RNF207: variants seen among roughly 807,000 people sequenced by gnomAD.
RNF207 encodes OTTHUMG00000001089.
In RNF207, 72 loss-of-function variants were observed where a neutral mutation model predicts 79.0. That is an observed-to-expected ratio of 0.91 (90% confidence interval 0.75 to 1.11). The LOEUF (loss-of-function observed/expected upper bound fraction) is 1.11, where lower values mean the gene tolerates loss of function less well. RNF207 is among the 50% of genes least tolerant of loss of function. The pLI, the probability that RNF207 is intolerant of heterozygous loss-of-function variation, is 0.00. For synonymous variants in RNF207, 348 were observed against 366.2 expected (o/e 0.95, Z 0.57); for missense variants, 936 against 855.8 (o/e 1.09, Z -1.17).
chr1:6,210,356 A>G lies in RNF207; in HGVS notation c.874-14A>G. The G allele has an allele frequency of 6.2e-7, 1 of 1,613,306 alleles. No homozygotes were observed. Among genetic ancestry groups the G allele is most frequent in the Non-Finnish European group, 8.5e-7 (1 of 1,179,648 alleles). On this transcript the variant is annotated splice_polypyrimidine_tract_variant and intron_variant, in intron 9 of 17. Transcript: ENST00000377939. ...CCTCCCCGGCCAGGCACTGAGCAGCATCCCCTCCCCCAGGTCCACCTGGTC... is the reference window on the plus strand; with the variant it reads ...CCTCCCCGGCCAGGCACTGAGCAGCGTCCCCTCCCCCAGGTCCACCTGGTC...
intron 6 of RNF207, 31 bp downstream of exon 6, chr1:6,209,374 C>A: frequency 6.5e-7 from 1 of 1,526,774 alleles, no homozygotes; most frequent in South Asian, 1.2e-5. Flanking sequence ...CGCGGGGCCG[C>A]GCGGCGGCGA....
chr1:6,208,386 T>C (rs1190253249), intron 3 of RNF207: 1 of 155,430 alleles, frequency 6.4e-6, no homozygotes, highest in Non-Finnish European at 1.4e-5. Context: ...TGGCGCCAAC[T>C]TGACTCACAG....
intron 13 of RNF207, 41 bp downstream of exon 13, chr1:6,212,094 AC>A: frequency 1.3e-6 from 2 of 1,561,860 alleles, no homozygotes; most frequent in Non-Finnish European, 1.7e-6. Flanking sequence ...AGATGTCCTA[AC>A]CCACTCCTCA....
intron 16 of RNF207, among the ~76,000 whole-genome samples, chr1:6,216,266 C>T (rs1320357240): frequency 6.6e-6 from 1 of 151,826 alleles, no homozygotes; most frequent in Admixed American, 6.5e-5. Context: ...GGGTGCTACC[C>T]ACACAGACTT....
chr1:6,212,380 C>A lies in RNF207; in HGVS notation c.1446C>A (p.His482Gln). ...LQLDVQIASE[H>Q]ASLEGMRVVF... ...TGGACGTGCAGATCGCCTCGGAGCACGCCTCCTTAGAGGGCATGAGGGTCG... is the reference window on the plus strand; with the variant it reads ...TGGACGTGCAGATCGCCTCGGAGCAAGCCTCCTTAGAGGGCATGAGGGTCG... The change falls in exon 14 of 18, where the codon CAC becomes CAA. Residue 482 changes from histidine to glutamine, a missense_variant. Coordinates refer to ENST00000377939, the MANE Select transcript of RNF207 (RefSeq NM_207396.3). 1 of 1,613,254 alleles carries A rather than the reference C, an allele frequency of 6.2e-7. No homozygotes were observed.
In RNF207 at chr1:6,211,041, T is replaced by C; in HGVS notation, c.1032T>C (p.Ala344=). The C allele has an allele frequency of 6.2e-7, 1 of 1,609,352 alleles. No homozygotes were observed. The highest frequency in any genetic ancestry group is 1.1e-5 in the South Asian group (1 of 90,550). ...QSSKIASDHR[A]EFARCLEPLL... The stretch of plus-strand genomic sequence containing the variant: ...CCCAGATTGCCAGTGACCACCGAGC[T>C]GAATTCGCGCGCTGTCTGGAGCCAC... The change falls in exon 12 of 18, where the codon GCT becomes GCC. Residue 344 remains alanine, a synonymous_variant. Coordinates refer to ENST00000377939, the MANE Select transcript of RNF207 (RefSeq NM_207396.3). The surrounding 1 kb of genome is among the most constrained non-coding windows in gnomAD (Gnocchi z 4.2).
rs747158576 is a variant in RNF207, at chr1:6,210,939, G to A, written c.1011+1G>A. On this transcript the variant is annotated splice_donor_variant, in intron 11 of 17. Coordinates refer to ENST00000377939, the MANE Select transcript of RNF207 (RefSeq NM_207396.3). LOFTEE classifies it high-confidence loss of function. The stretch of plus-strand genomic sequence containing the variant: ...CCTAAGGCCTATTCAGAGCAGCAAG[G>A]TGTGCAGTGGCCTGGGTGGGCCAGG... 4 of 1,604,932 alleles carry A rather than the reference G, an allele frequency of 2.5e-6. No homozygotes were observed. The South Asian group carries it at 4.5e-5, about 18-fold the overall frequency.
chr1:6,219,123 G>C (rs1668461109), intron 17 of RNF207, 113 bp from the exon 18 acceptor site: 2 of 909,130 alleles, frequency 2.2e-6, no homozygotes, highest in Non-Finnish European at 3.3e-6. Context: ...CTCACTCACT[G>C]AGGCCTTCCA....
In RNF207 at chr1:6,210,399, C is replaced by A; in HGVS notation, c.903C>A (p.Leu301=). 6.2e-7 allele frequency: 1 copy of A among 1,613,744 alleles called. No individual in the cohort carries two copies. The highest frequency in any genetic ancestry group is 2.2e-5 in the East Asian group (1 of 44,876). Residue 301 remains leucine (L), a synonymous_variant, in exon 10 of 18, where the codon CTC becomes CTA. Transcript: ENST00000377939. ...QVHLVICSSF[L]SLANKAEFLD... ...ACCTGGTCATCTGCTCCTCCTTCCT[C>A]AGCTTGGCCAACAAGGCTGAGTTCC...
rs1263871793 is a variant in RNF207, at chr1:6,220,398, ACT to A, written c.*993_*994del. On this transcript the variant is annotated 3_prime_UTR_variant, in exon 18 of 18. Coordinates refer to ENST00000377939, the MANE Select transcript of RNF207 (RefSeq NM_207396.3). ...GGGTGTGCCGGTTTTAGGTAACAAG[ACT>A]CCACCACTGAGTGGCACCTGCCCTA... 5 of 151,924 alleles carry A rather than the reference ACT, an allele frequency of 3.3e-5. No homozygotes were observed. The highest frequency in any genetic ancestry group is 1.2e-4 in the African/African-American group (5 of 41,348). 9.4% of individuals were successfully genotyped at this position (151,924 alleles called of 1,614,324 possible). A position where few individuals can be genotyped will look rare whatever the true frequency, so the allele number is the denominator to read the frequency against.
rs201095076 is a variant in RNF207 at position 6,210,903 on chromosome 1, C to G, written c.976C>G (p.Arg326Gly). 3.7e-6 allele frequency: 6 copies of G among 1,605,784 alleles called. No individual in the cohort carries two copies. In the African/African-American group the frequency reaches 4.0e-5, roughly 11 times the overall value. ...LMERLQGIVT[R>G]PHHLRPIQSS... ...GGAGAGGCTGCAGGGCATCGTCACG[C>G]GGCCGCACCACCTAAGGCCTATTCA... The change falls in exon 11 of 18, where the codon CGG (arginine) becomes GGG (glycine). Residue 326 changes from arginine (R) to glycine (G), a missense_variant. Physicochemically the swap from Arg to Gly is moderately radical, Grantham distance 125. Coordinates refer to ENST00000377939, the MANE Select transcript of RNF207 (RefSeq NM_207396.3).
Position 6,219,491 on chromosome 1 carries a change from TTTTTTTA to T in RNF207, c.*97_*103del, listed in dbSNP as rs1413773686. 5 of 1,019,686 alleles carry T rather than the reference TTTTTTTA, an allele frequency of 4.9e-6. No homozygotes were observed. The highest frequency in any genetic ancestry group is 7.0e-6 in the Non-Finnish European group (5 of 718,914). 63.2% of individuals were successfully genotyped at this position (1,019,686 alleles called of 1,614,324 possible). ...GACAGAAGGTTGTTCCCATGATGGT[TTTTTTTA>T]TTTTTTATTTTTGAGATGGAGTTTC... On this transcript the variant is annotated 3_prime_UTR_variant, in exon 18 of 18. Transcript: ENST00000377939.
chr1:6,212,861 C>A, intron 15 of RNF207, 128 bp downstream of exon 15: 3 of 877,702 alleles, frequency 3.4e-6, no homozygotes, highest in Non-Finnish European at 5.7e-6. Context: ...AGCGCTTGAC[C>A]GTGCCTCCCA....
Position 6,207,580 on chromosome 1 carries a change from A to G in RNF207, c.324+69A>G, listed in dbSNP as rs773684928. The G allele has an allele frequency of 1.3e-6, 2 of 1,503,138 alleles. No individual in the cohort carries two copies. Among genetic ancestry groups the G allele is most frequent in the Non-Finnish European group, 1.8e-6 (2 of 1,110,236 alleles). The allele number at this position is 1,503,138 out of a possible 1,614,324, so 93.1% of individuals were successfully genotyped here. On this transcript the variant is annotated intron_variant, in intron 3 of 17. Transcript: ENST00000377939. This position sits in a 1 kb window ranked among gnomAD's most constrained non-coding sequence, Gnocchi z 4.5. ...GTTGCACAGTCCCCAATGCTTGCAC[A>G]TGCACTCAGCATGTCTTCAGAGGAC...
At position 6,208,872 on chromosome 1, in the gene RNF207, G is replaced by A. The variant is rs1333961705; in HGVS notation, c.325-9G>A. 2 of 1,523,286 alleles carry A rather than the reference G, an allele frequency of 1.3e-6. No homozygotes were observed. The highest frequency in any genetic ancestry group is 4.0e-5 in the Admixed American group (2 of 49,880). The allele number at this position is 1,523,286 out of a possible 1,614,324, so 94.4% of individuals were successfully genotyped here. On this transcript the variant is annotated splice_polypyrimidine_tract_variant and intron_variant, in intron 3 of 17. Transcript: ENST00000377939. The stretch of plus-strand genomic sequence containing the variant: ...CTCTGGCGCTCCTGAGCCCGCGCTC[G>A]GCCCGCAGGACGTGGAGACCACGTA...
chr1:6,218,278 TC>T lies in RNF207; in HGVS notation c.1653-8del, dbSNP rs1668428605. 6.2e-7 allele frequency: 1 copy of T among 1,608,782 alleles called. No individual in the cohort carries two copies. Among genetic ancestry groups the T allele is most frequent in the African/African-American group, 1.3e-5 (1 of 74,776 alleles). ...GCTCCCTTGAGATTCTGGTGCCCAC[TC>T]CCTTGCCAGGTTTCAGGCACCCGTG... On this transcript the variant is annotated splice_polypyrimidine_tract_variant and intron_variant, in intron 16 of 17. Transcript: ENST00000377939.
chr1:6,208,754 A>G, intron 3 of RNF207, 127 bp from the exon 4 acceptor site: 1 of 943,770 alleles, frequency 1.1e-6, no homozygotes, highest in Non-Finnish European at 1.5e-6. Context: ...ATTACAGGAA[A>G]GGGCTGCGTT....
intron 16 of RNF207, among the ~76,000 whole-genome samples, chr1:6,213,391 C>T (rs1332433607): frequency 1.3e-5 from 2 of 151,476 alleles, no homozygotes; most frequent in Admixed American, 6.6e-5. Flanking sequence ...CATGGTGGCT[C>T]ATGCCTGTAA....
rs1008300007 is a variant in RNF207, at chr1:6,207,983, G to A, written c.324+472G>A. On this transcript the variant is annotated intron_variant, in intron 3 of 17. Transcript: ENST00000377939. This position sits in a 1 kb window ranked among gnomAD's most constrained non-coding sequence, Gnocchi z 4.5. ...AATGTATCGGGAATCCCAGGAGGAC[G>A]GCCCGACTGGGGCAAAAGCTCCAGC... 10 of 330,522 alleles carry A rather than the reference G, an allele frequency of 3.0e-5. No individual in the cohort carries two copies. The highest frequency in any genetic ancestry group is 1.2e-4 in the Admixed American group (3 of 26,046). 20.5% of individuals were successfully genotyped at this position (330,522 alleles called of 1,614,324 possible). A position where few individuals can be genotyped will look rare whatever the true frequency, so the allele number is the denominator to read the frequency against.
Sources: gnomAD v4.1 joint callset for allele counts (sites outside exome capture counted in the v4.1 genomes callset) on GRCh38, gnomAD v4.1.1 for gene constraint, Gnocchi (gnomAD v3.1) non-coding constraint, MANE v1.5 for transcripts, NCBI Gene and HGNC (gene_info 2026-07-23, HGNC 2026-07-21) for gene names.